The following ITGAE variants were observed in gnomAD, a reference collection of about 807,000 sequenced individuals.
The protein encoded by ITGAE is integrin subunit alpha E.
In ITGAE, 99 loss-of-function variants were observed where a neutral mutation model predicts 136.5. That is an observed-to-expected ratio of 0.73 (90% CI 0.62 to 0.86). The LOEUF (loss-of-function observed/expected upper bound fraction) is 0.86. ITGAE is among the 40% of genes least tolerant of loss of function. The probability of loss-of-function intolerance (pLI) is 0.00; values close to 1 mark genes in which losing one functional copy is unlikely to be tolerated. For missense variants in ITGAE, 1,447 were observed against 1,515.3 expected (o/e 0.95, Z 0.75); for synonymous variants, 613 against 591.8 (o/e 1.04, Z -0.52).
Position 3,748,031 on chromosome 17 carries a change from C to T in ITGAE, c.2046G>A (p.Leu682=). ...VVFRSRPVVR[L]KVSMAFTPSA... ...TGGGGGTGAAGGCCATGGAGACCTT[C>T]AGGCGAACCACAGGCCGGGAGCTAA... Residue 682 remains leucine (L), a synonymous_variant, in exon 17 of 31, where the codon CTG becomes CTA. Transcript: ENST00000263087. 6.2e-7 allele frequency: 1 copy of T among 1,612,592 alleles called. No individual in the cohort carries two copies. Among genetic ancestry groups the T allele is most frequent in the South Asian group, 1.1e-5 (1 of 91,054 alleles).
In ITGAE at chr17:3,755,508, C is replaced by A. The variant is rs183642693; in HGVS notation, c.1240-247G>T. 4.9e-3 allele frequency among the ~76,000 whole-genome samples: 753 copies of A among 152,280 alleles called. 8 individuals are homozygous for A. Among genetic ancestry groups the A allele is most frequent in the African/African-American group, 0.017 (722 of 41,552 alleles). ...GCTTGGTTGATAAGCTGACCCAGGC[C>A]GAGTCCTGTTGCCTGGTCTGTATTC... On this transcript the variant is annotated intron_variant, in intron 11 of 30. Transcript: ENST00000263087.
rs1388532153 is a variant in ITGAE, at chr17:3,754,972, ACCCAGGTAGCCCCCAGGCCCCACCCTCG to A, written c.1384+117_1384+144del. Reference sequence around the variant, plus strand: ...CAGGTAGCCTCCAGGCCCCGCCCTCACCCAGGTAGCCCCCAGGCCCCACCCTCGCCCAGGTAGGCCCCGCCCTCGCCCA... The same window carrying A: ...CAGGTAGCCTCCAGGCCCCGCCCTCACCCAGGTAGGCCCCGCCCTCGCCCA... On this transcript the variant is annotated intron_variant, in intron 12 of 30. Coordinates refer to ENST00000263087, the MANE Select transcript of ITGAE (RefSeq NM_002208.5). The A allele has an allele frequency of 1.4e-5, 8 of 579,294 alleles. No homozygotes were observed. In the African/African-American group the frequency reaches 3.0e-4, roughly 22 times the overall value. 35.9% of individuals were successfully genotyped at this position (579,294 alleles called of 1,614,324 possible).
At chr17:3,756,257 A>T (rs2052024493) in intron 10 of ITGAE, among the ~76,000 whole-genome samples, 1 of 111,414 alleles carries the variant, frequency 9.0e-6, no homozygotes, top group African/African-American at 3.6e-5. Flanking sequence ...TTTTTGAGAC[A>T]GTGTCTCACT....
rs928778118 is a variant in ITGAE at position 3,794,558 on chromosome 17, C to T, written c.34+6553G>A. 2.0e-5 allele frequency among the ~76,000 whole-genome samples: 3 copies of T among 152,162 alleles called. No individual in the cohort carries two copies. In the South Asian group the frequency reaches 6.2e-4, roughly 32 times the overall value. On this transcript the variant is annotated intron_variant, in intron 1 of 30. Coordinates refer to ENST00000263087, the MANE Select transcript of ITGAE (RefSeq NM_002208.5). ...CCCTCGGTAGGTGCTGGGAGAGTGG[C>T]CACTTACAGCCTACATAGACTCTCA...
At position 3,750,393 on chromosome 17, in the gene ITGAE, G is replaced by A. The variant is rs370644797; in HGVS notation, c.1983C>T (p.Ala661=). Residue 661 remains alanine (A), a synonymous_variant, in exon 16 of 31, where the codon GCC becomes GCT. Coordinates refer to ENST00000263087, the MANE Select transcript of ITGAE (RefSeq NM_002208.5). ...GGCCCAGAGTGCCCACGGTGATGTC[G>A]GCAAGGCCGTCGCCACTAATATCAA... ...GGFDISGDGL[A]DITVGTLGQA... is the part of the protein sequence containing the mutation. 5.6e-6 allele frequency: 9 copies of A among 1,614,048 alleles called. No individual in the cohort carries two copies. Among genetic ancestry groups the A allele is most frequent in the East Asian group, 4.5e-5 (2 of 44,900 alleles).
chr17:3,765,072 G>A (rs574023594), intron 2 of ITGAE, among the ~76,000 whole-genome samples: 10 of 152,076 alleles, frequency 6.6e-5, no homozygotes, highest in Non-Finnish European at 7.4e-5. Context: ...TGATGAGGCC[G>A]GGCGCGGTGG....
At position 3,795,896 on chromosome 17, in the gene ITGAE, TGCATCTGTGTATGC is replaced by T. The variant is rs1486676848; in HGVS notation, c.34+5201_34+5214del. The stretch of plus-strand genomic sequence containing the variant: ...CCGTGTGCGTGTGCATCCGTGTGTG[TGCATCTGTGTATGC>T]GCATCCGTGTGTGTGCATCCGTGTG... On this transcript the variant is annotated intron_variant, in intron 1 of 30. Transcript: ENST00000263087. Among the ~76,000 whole-genome samples, 4 of 149,942 alleles carry T rather than the reference TGCATCTGTGTATGC, an allele frequency of 2.7e-5. No individual in the cohort carries two copies. The East Asian group carries it at 7.8e-4, about 29-fold the overall frequency.
At chr17:3,760,340 G>A in intron 6 of ITGAE, 53 bp from the exon 7 acceptor site, 1 of 1,080,374 alleles carries the variant, frequency 9.3e-7, no homozygotes, top group Non-Finnish European at 1.4e-6. Flanking sequence ...GCAGATGTAA[G>A]GGTAGCATGT....
intron 24 of ITGAE, 178 bp from the exon 25 acceptor site, chr17:3,728,346 G>A: frequency 1.7e-6 from 1 of 574,664 alleles, no homozygotes. Flanking sequence ...GGGATGACAG[G>A]CATGAGCCAC....
At position 3,755,125 on chromosome 17, in the gene ITGAE, C is replaced by T. The variant is rs1284034412; in HGVS notation, c.1376G>A (p.Ser459Asn). ...AAADAEAAQYSYLGYAVAVLH... is the reference protein window; with the variant it reads ...AAADAEAAQYNYLGYAVAVLH... ...GGTGGCCCCGCCCTCACCCAGGTAGCTGTACTGCGCAGCCTCCGCGTCTGC... is the reference window on the plus strand; with the variant it reads ...GGTGGCCCCGCCCTCACCCAGGTAGTTGTACTGCGCAGCCTCCGCGTCTGC... Residue 459 changes from serine to asparagine, a missense_variant, in exon 12 of 31, where the codon AGC becomes AAC. Coordinates refer to ENST00000263087, the MANE Select transcript of ITGAE (RefSeq NM_002208.5). 6.3e-7 allele frequency: 1 copy of T among 1,588,716 alleles called. No individual in the cohort carries two copies. Among genetic ancestry groups the T allele is most frequent in the Admixed American group, 1.7e-5 (1 of 57,382 alleles).
rs2053251912 is a variant in ITGAE, at chr17:3,801,150, C to CTG, written c.-8_-7dup. The CTG allele has an allele frequency of 6.2e-7, 1 of 1,611,044 alleles. No individual in the cohort carries two copies. Among genetic ancestry groups the CTG allele is most frequent in the Non-Finnish European group, 8.5e-7 (1 of 1,180,006 alleles). On this transcript the variant is annotated 5_prime_UTR_variant, in exon 1 of 31. Coordinates refer to ENST00000263087, the MANE Select transcript of ITGAE (RefSeq NM_002208.5). ...AGAGTGTGGAAGAGCCACATCCTTG[C>CTG]TGGAGCAGAGGCGGCTGTGTGGGAG...
In ITGAE at chr17:3,753,893, TGCAGGTCTTGTGCAGCACGGCCACA is replaced by T. The variant is rs754317512; in HGVS notation, c.1392_1416del (p.Val465AlafsTer94). On this transcript the variant is annotated frameshift_variant, in exon 13 of 31. Transcript: ENST00000263087. LOFTEE classifies it high-confidence loss of function. ...GGAGCCCCCGCGATGTAGGAGAGGC[TGCAGGTCTTGTGCAGCACGGCCACA>T]GCGTAACCTGGGGCAAGGGTGGTGT... 6.2e-7 allele frequency: 1 copy of T among 1,614,116 alleles called. No individual in the cohort carries two copies. The highest frequency in any genetic ancestry group is 8.5e-7 in the Non-Finnish European group (1 of 1,180,000).
chr17:3,724,108 C>T (rs1237008774), intron 26 of ITGAE: 1 of 1,594,406 alleles, frequency 6.3e-7, no homozygotes, highest in Non-Finnish European at 8.5e-7. Flanking sequence ...GGCGACCCCT[C>T]GCAGTCCGAC....
In ITGAE at chr17:3,726,656, CT is replaced by C. The variant is rs561149704; in HGVS notation, c.3084+1262del. 698 of 252,324 alleles carry C rather than the reference CT, an allele frequency of 2.8e-3. 8 individuals carry two copies. Among genetic ancestry groups the C allele is most frequent in the African/African-American group, 0.015 (666 of 44,846 alleles). 15.6% of individuals were successfully genotyped at this position (252,324 alleles called of 1,614,324 possible). A position where few individuals can be genotyped will look rare whatever the true frequency, so the allele number is the denominator to read the frequency against. On this transcript the variant is annotated intron_variant, in intron 26 of 30. Transcript: ENST00000263087. ...TAGCCTGGTCAACATAGCAAGACCC[CT>C]GTCTCTATTTTTTTAAATAAATAAA...
intron 1 of ITGAE, among the ~76,000 whole-genome samples, chr17:3,800,001 C>T (rs956436863): frequency 7.2e-5 from 11 of 152,148 alleles, no homozygotes; most frequent in African/African-American, 1.9e-4. Context: ...CGCCTGTAAT[C>T]CCAGCTACTC....
intron 30 of ITGAE, 64 bp from the exon 31 acceptor site, chr17:3,715,006 G>T: frequency 1.1e-6 from 1 of 919,610 alleles, no homozygotes; most frequent in Non-Finnish European, 1.7e-6. Context: ...CAGAAAACCG[G>T]CATTCTGGCT....
chr17:3,795,965 G>GCATC (rs1567565177), intron 1 of ITGAE, among the ~76,000 whole-genome samples: 1 of 134,340 alleles, frequency 7.4e-6, no homozygotes, highest in Non-Finnish European at 1.6e-5. Context: ...CCCTGTGTGT[G>GCATC]CGTGTGTGCA....
chr17:3,800,349 C>G (rs1472772547), intron 1 of ITGAE, among the ~76,000 whole-genome samples: 2 of 152,112 alleles, frequency 1.3e-5, no homozygotes, highest in Non-Finnish European at 2.9e-5. Context: ...TCCGGCCAAC[C>G]TCCTGAGCAG....
At chr17:3,780,351 A>G (rs922396143) in intron 1 of ITGAE, among the ~76,000 whole-genome samples, 7 of 151,832 alleles carry the variant, frequency 4.6e-5, no homozygotes, top group African/African-American at 1.5e-4. Flanking sequence ...TTTAGTAGAG[A>G]GGGGGTTTCA....
Sources: gnomAD v4.1 joint callset for allele counts (sites outside exome capture counted in the v4.1 genomes callset) on GRCh38, gnomAD v4.1.1 for gene constraint, MANE v1.5 for transcripts, NCBI Gene and HGNC (gene_info 2026-07-23, HGNC 2026-07-21) for gene names.